Variants in SAMD12 observed in about 807,000 individuals in gnomAD.
The protein encoded by SAMD12 is sterile alpha motif domain-containing protein 12.
Under a neutral mutation model 15.0 loss-of-function variants are expected in SAMD12, and 9 were observed. The observed-to-expected ratio is 0.60, with a 90% CI of 0.36 to 1.05. SAMD12 has a LOEUF of 1.05. SAMD12 is among the 50% of genes least tolerant of loss of function. The pLI, the probability that SAMD12 is intolerant of heterozygous loss-of-function variation, is 0.01. For missense variants in SAMD12, 230 were observed against 234.2 expected (o/e 0.98, Z 0.12); for synonymous variants, 86 against 90.1 (o/e 0.96, Z 0.25).
chr8:118,242,846 C>T (rs1019346573), intron 4 of SAMD12, among the ~76,000 whole-genome samples: 3 of 152,112 alleles, frequency 2.0e-5, no homozygotes, highest in Non-Finnish European at 4.4e-5. Context: ...CACATTAAAA[C>T]AGTCAGATAC....
At chr8:118,167,384 A>G in the SAMD12 span, among the ~76,000 whole-genome samples, 1 of 152,146 alleles carries the variant, frequency 6.6e-6, no homozygotes, top group African/African-American at 2.4e-5. Flanking sequence ...CTGGCGTGTT[A>G]CAATCAGGAG....
intron 4 of SAMD12, among the ~76,000 whole-genome samples, chr8:118,318,338 ATATATATATATATATATAC>A: frequency 7.1e-6 from 1 of 141,232 alleles, no homozygotes; most frequent in Non-Finnish European, 1.5e-5. Flanking sequence ...ATATATATAT[ATATATATATATATATATAC>A]ATATATACCA....
chr8:118,349,552 T>G (rs930441912), intron 4 of SAMD12, among the ~76,000 whole-genome samples: 7 of 152,226 alleles, frequency 4.6e-5, no homozygotes, highest in African/African-American at 1.7e-4. Flanking sequence ...GTTCTTCTAT[T>G]GTTTAAAGTC....
chr8:118,466,238 C>A (rs79831303), intron 2 of SAMD12, among the ~76,000 whole-genome samples: 2,713 of 152,294 alleles, frequency 0.018, 86 homozygotes, highest in African/African-American at 0.061. Flanking sequence ...TGAACCAGGC[C>A]AGTCAGCTGG....
chr8:118,253,020 T>C (rs1465940196), intron 4 of SAMD12, among the ~76,000 whole-genome samples: 2 of 152,090 alleles, frequency 1.3e-5, no homozygotes, highest in Non-Finnish European at 2.9e-5. Flanking sequence ...TGAGCCAGGG[T>C]CCATCACAGA....
chr8:118,538,904 C>T (rs1825917865), intron 2 of SAMD12, among the ~76,000 whole-genome samples: 1 of 151,952 alleles, frequency 6.6e-6, no homozygotes, highest in African/African-American at 2.4e-5. Flanking sequence ...TTCTTTTTTC[C>T]TCCCAAAATA....
chr8:118,498,904 T>C (rs1282402544), intron 2 of SAMD12, among the ~76,000 whole-genome samples: 1 of 152,190 alleles, frequency 6.6e-6, no homozygotes, highest in African/African-American at 2.4e-5. Context: ...TGCTATGAAG[T>C]ATTTTCCATA....
chr8:118,486,440 G>T (rs1824289336), intron 2 of SAMD12, among the ~76,000 whole-genome samples: 1 of 146,406 alleles, frequency 6.8e-6, no homozygotes, highest in African/African-American at 2.5e-5. Context: ...AGAGAGAGTA[G>T]CAAAAGATGG....
intron 4 of SAMD12, among the ~76,000 whole-genome samples, chr8:118,335,645 T>C (rs1052348367): frequency 6.6e-6 from 1 of 152,184 alleles, no homozygotes. Flanking sequence ...TGGTTAGCCA[T>C]TGAACATTCT....
chr8:118,432,531 T>A (rs545095741), intron 3 of SAMD12, among the ~76,000 whole-genome samples: 14 of 152,366 alleles, frequency 9.2e-5, no homozygotes, highest in Non-Finnish European at 1.2e-4. Flanking sequence ...CCTAGGGGTG[T>A]GTTTCAGTCA....
chr8:118,503,728 G>A (rs1824848795), intron 2 of SAMD12, among the ~76,000 whole-genome samples: 1 of 152,072 alleles, frequency 6.6e-6, no homozygotes, highest in African/African-American at 2.4e-5. Flanking sequence ...CCTCCATCTC[G>A]CATTTTCTCT....
chr8:118,472,144 G>A (rs1474323863), intron 2 of SAMD12, among the ~76,000 whole-genome samples: 2 of 152,078 alleles, frequency 1.3e-5, no homozygotes, highest in Non-Finnish European at 2.9e-5. Flanking sequence ...AAAATTAGCC[G>A]GGCGTGGTGG....
At chr8:118,482,568 CTATAG>C (rs1824158938) in intron 2 of SAMD12, among the ~76,000 whole-genome samples, 1 of 152,058 alleles carries the variant, frequency 6.6e-6, no homozygotes, top group Non-Finnish European at 1.5e-5. Context: ...ACCACTTACA[CTATAG>C]TAATTATTGT....
chr8:118,619,616 A>G (rs1343835881), intron 1 of SAMD12, among the ~76,000 whole-genome samples: 1 of 152,204 alleles, frequency 6.6e-6, no homozygotes, highest in Non-Finnish European at 1.5e-5. Flanking sequence ...TTGCCATGCA[A>G]TTCATGAGCA....
At chr8:118,156,255 A>G in the SAMD12 span, among the ~76,000 whole-genome samples, 1 of 152,202 alleles carries the variant, frequency 6.6e-6, no homozygotes, top group African/African-American at 2.4e-5. Flanking sequence ...ATGATAATAC[A>G]TGACAACTCA....
intron 2 of SAMD12, among the ~76,000 whole-genome samples, chr8:118,536,043 G>T (rs1038311778): frequency 6.6e-6 from 1 of 152,166 alleles, no homozygotes; most frequent in Non-Finnish European, 1.5e-5. Context: ...CGTCGCTCAC[G>T]CTGGGAGCTG....
At chr8:118,368,301 A>G (rs1475346947) in intron 4 of SAMD12, among the ~76,000 whole-genome samples, 2 of 152,198 alleles carry the variant, frequency 1.3e-5, no homozygotes, top group Non-Finnish European at 2.9e-5. Flanking sequence ...AGAAGTAGTA[A>G]CAAAAGACCC....
At chr8:118,457,756 G>C (rs1214342377) in intron 2 of SAMD12, among the ~76,000 whole-genome samples, 1 of 152,146 alleles carries the variant, frequency 6.6e-6, no homozygotes, top group Non-Finnish European at 1.5e-5. Flanking sequence ...CTTATTATTA[G>C]AAAGATAAAT....
chr8:118,464,024 A>G (rs1823514376), intron 2 of SAMD12, among the ~76,000 whole-genome samples: 1 of 152,186 alleles, frequency 6.6e-6, no homozygotes, highest in South Asian at 2.1e-4. Flanking sequence ...AATGAAAATA[A>G]TATTTTAGAA....
Sources: gnomAD v4.1 joint callset for allele counts (sites outside exome capture counted in the v4.1 genomes callset) on GRCh38, gnomAD v4.1.1 for gene constraint, MANE v1.5 for transcripts, NCBI Gene and HGNC (gene_info 2026-07-23, HGNC 2026-07-21) for gene names.